The following EHF variants were observed in gnomAD, a reference collection of about 807,000 sequenced individuals.
EHF encodes the protein ETS homologous factor.
In EHF, 14 loss-of-function variants were observed where a neutral mutation model predicts 45.1. The observed-to-expected ratio is 0.31, with a 90% CI of 0.21 to 0.49. The LOEUF (loss-of-function observed/expected upper bound fraction) is 0.49. EHF is among the 20% of genes least tolerant of loss of function. The pLI is 0.99. For synonymous variants in EHF, 136 were observed against 131.8 expected (o/e 1.03, Z -0.22); for missense variants, 282 against 371.4 (o/e 0.76, Z 1.98).
intron 1 of EHF, among the ~76,000 whole-genome samples, chr11:34,636,456 G>A (rs1590445381): frequency 6.6e-6 from 1 of 152,348 alleles, no homozygotes; most frequent in East Asian, 1.9e-4. Flanking sequence ...AGCCAACACA[G>A]TTTAAACAGA....
At chr11:34,638,559 A>T (rs1853672347) in intron 1 of EHF, among the ~76,000 whole-genome samples, 1 of 152,114 alleles carries the variant, frequency 6.6e-6, no homozygotes, top group Non-Finnish European at 1.5e-5. Context: ...GCTTTTAACC[A>T]GTATTCTCCA....
In EHF at chr11:34,659,330, C is replaced by T. The variant is rs1855939123; in HGVS notation, c.*399C>T. The T allele has an allele frequency of 1.2e-5, 2 of 164,830 alleles. No homozygotes were observed. The highest frequency in any genetic ancestry group is 3.4e-4 in the South Asian group (2 of 5,860). 10.2% of individuals were successfully genotyped at this position (164,830 alleles called of 1,614,324 possible). A position where few individuals can be genotyped will look rare whatever the true frequency, so the allele number is the denominator to read the frequency against. On this transcript the variant is annotated 3_prime_UTR_variant, in exon 9 of 9. Coordinates refer to ENST00000257831, the MANE Select transcript of EHF (RefSeq NM_012153.6). ...TGACATGATTTAGAAAAAGGTGATG[C>T]ATCCTCCTCACATAAGCATCCATAT...
At chr11:34,644,693 C>T (rs1343647215) in intron 2 of EHF, among the ~76,000 whole-genome samples, 4 of 152,198 alleles carry the variant, frequency 2.6e-5, no homozygotes, top group Non-Finnish European at 4.4e-5. Context: ...ATTTCCCTTT[C>T]AGTCTCTCCT....
intron 1 of EHF, among the ~76,000 whole-genome samples, chr11:34,636,986 G>A (rs866119393): frequency 1.0e-4 from 14 of 139,350 alleles, no homozygotes; most frequent in East Asian, 2.1e-4. Context: ...CCGAGATTGC[G>A]CCATTGCACT....
intron 1 of EHF, among the ~76,000 whole-genome samples, chr11:34,640,692 T>C (rs1853910888): frequency 6.6e-6 from 1 of 152,194 alleles, no homozygotes; most frequent in East Asian, 1.9e-4. Context: ...GAAAGAAGGT[T>C]TGACTTGAGG....
chr11:34,653,041 A>C (rs1028900843), intron 6 of EHF, among the ~76,000 whole-genome samples: 3 of 152,202 alleles, frequency 2.0e-5, no homozygotes, highest in African/African-American at 7.2e-5. Context: ...TTTCTGTGGC[A>C]ATCATTGCCA....
chr11:34,642,525 A>T, intron 1 of EHF, 103 bp from the exon 2 acceptor site: 1 of 759,408 alleles, frequency 1.3e-6, no homozygotes, highest in Non-Finnish European at 2.3e-6. Flanking sequence ...GTGGAAGGAC[A>T]AATTCTCTTT....
chr11:34,631,828 A>G (rs1779853326), intron 1 of EHF, among the ~76,000 whole-genome samples: 1 of 152,122 alleles, frequency 6.6e-6, no homozygotes, highest in Admixed American at 6.5e-5. Context: ...GACTTTTGGA[A>G]GTCAACCATT....
intron 4 of EHF, among the ~76,000 whole-genome samples, chr11:34,650,692 G>A (rs1042217529): frequency 1.3e-5 from 2 of 152,136 alleles, no homozygotes; most frequent in Admixed American, 6.5e-5. Flanking sequence ...GAAACAAAAT[G>A]CTTCTGTTGG....
chr11:34,642,699 C>G lies in EHF; in HGVS notation c.69C>G (p.Ala23=). ...PGNNLLHQPP[A]WTDSYSTCNV... is the part of the protein sequence containing the mutation. The stretch of plus-strand genomic sequence containing the variant: ...ACAACCTCCTTCACCAGCCGCCAGC[C>G]TGGACAGACAGCTACTCCACGTGCA... The change falls in exon 2 of 9, where the codon GCC becomes GCG. Residue 23 remains alanine, a synonymous_variant. Transcript: ENST00000257831. The G allele has an allele frequency of 6.2e-7, 1 of 1,614,004 alleles. No individual in the cohort carries two copies. Among genetic ancestry groups the G allele is most frequent in the Non-Finnish European group, 8.5e-7 (1 of 1,179,938 alleles).
chr11:34,651,648 T>G, intron 5 of EHF, 38 bp downstream of exon 5: 9 of 1,609,330 alleles, frequency 5.6e-6, no homozygotes, highest in Non-Finnish European at 7.7e-6. Flanking sequence ...CTTTACATTC[T>G]TATTCAGTTT....
intron 2 of EHF, among the ~76,000 whole-genome samples, chr11:34,644,804 A>G (rs554239037): frequency 9.2e-5 from 14 of 152,358 alleles, no homozygotes; most frequent in African/African-American, 3.1e-4. Flanking sequence ...TCAGCATCAC[A>G]TGGAAGCTTG....
At chr11:34,645,977 G>T (rs1854470088) in intron 2 of EHF, among the ~76,000 whole-genome samples, 1 of 151,316 alleles carries the variant, frequency 6.6e-6, no homozygotes, top group South Asian at 2.1e-4. Flanking sequence ...GTAGAGAAAA[G>T]AACCTTAATT....
intron 1 of EHF, among the ~76,000 whole-genome samples, chr11:34,627,333 G>A (rs373970819): frequency 2.6e-5 from 4 of 152,232 alleles, no homozygotes; most frequent in African/African-American, 7.2e-5. Flanking sequence ...TGGGGTGATT[G>A]GGTATGCAGC....
intron 1 of EHF, among the ~76,000 whole-genome samples, chr11:34,630,761 C>T (rs17358198): frequency 0.089 from 13,535 of 152,212 alleles, 757 homozygotes; most frequent in Admixed American, 0.17. Context: ...CCACTCCCTA[C>T]GCTGCTCATA....
chr11:34,622,390 T>TC, intron 1 of EHF: 1 of 1,284,626 alleles, frequency 7.8e-7, no homozygotes, highest in Non-Finnish European at 1.0e-6. Context: ...GAAGTCTAAT[T>TC]CAGGAGTTGG....
At chr11:34,639,515 C>A (rs2134079655) in intron 1 of EHF, among the ~76,000 whole-genome samples, 1 of 152,342 alleles carries the variant, frequency 6.6e-6, no homozygotes, top group Admixed American at 6.5e-5. Context: ...TCACTCTACG[C>A]CTGAAAAACT....
chr11:34,661,504 T>C lies in EHF; in HGVS notation c.*2573T>C, dbSNP rs1565053204. Reference sequence around the variant, plus strand: ...AACAATTCTACAGATAATTAGTGGATTGTGTTGTTTGTTGAGAGTGAAGGT... The same window carrying C: ...AACAATTCTACAGATAATTAGTGGACTGTGTTGTTTGTTGAGAGTGAAGGT... On this transcript the variant is annotated 3_prime_UTR_variant, in exon 9 of 9. Coordinates refer to ENST00000257831, the MANE Select transcript of EHF (RefSeq NM_012153.6). Among the ~76,000 whole-genome samples the C allele has an allele frequency of 1.3e-5, 2 of 152,106 alleles. No individual in the cohort carries two copies. The highest frequency in any genetic ancestry group is 4.8e-5 in the African/African-American group (2 of 41,432).
chr11:34,651,915 G>C (rs1010499950), intron 6 of EHF, 110 bp downstream of exon 6: 5 of 1,062,226 alleles, frequency 4.7e-6, no homozygotes, highest in Non-Finnish European at 6.8e-6. Context: ...TAATTAAAGG[G>C]CTAGGAAAGG....
Sources: gnomAD v4.1 joint callset for allele counts (sites outside exome capture counted in the v4.1 genomes callset) on GRCh38, gnomAD v4.1.1 for gene constraint, MANE v1.5 for transcripts, NCBI Gene and HGNC (gene_info 2026-07-23, HGNC 2026-07-21) for gene names.